The following CCT5 variants were observed in gnomAD, a reference collection of about 807,000 sequenced individuals.
CCT5 encodes chaperonin containing TCP1 subunit 5, also known as T-complex protein 1 subunit epsilon.
A neutral mutation model predicts 55.0 loss-of-function variants in CCT5; 6 were observed. That is an observed-to-expected ratio of 0.11 (90% CI 0.06 to 0.22). CCT5 has a LOEUF of 0.22. Ranked by LOEUF, CCT5 falls within the 10% of genes least tolerant of loss-of-function variation. CCT5 has a pLI of 1.00. For synonymous variants in CCT5, 231 were observed against 243.7 expected (o/e 0.95, Z 0.49); for missense variants, 560 against 694.6 (o/e 0.81, Z 2.18).
In CCT5 at chr5:10,261,572, G is replaced by A. The variant is rs768768696; in HGVS notation, c.1006G>A (p.Ala336Thr). 15 of 1,614,050 alleles carry A rather than the reference G, an allele frequency of 9.3e-6. No homozygotes were observed. The highest frequency in any genetic ancestry group is 1.3e-5 in the Non-Finnish European group (15 of 1,179,974). Residue 336 changes from alanine to threonine, a missense_variant, in exon 8 of 11, where the codon GCA becomes ACA. Physicochemically the swap from Ala to Thr is moderately conservative, Grantham distance 58. Coordinates refer to ENST00000280326, the MANE Select transcript of CCT5 (RefSeq NM_012073.5). ...GGPEIELIAIATGGRIVPRFS... is the reference protein window; with the variant it reads ...GGPEIELIAITTGGRIVPRFS... Reference sequence around the variant, plus strand: ...CCACCCCAATTAGCTGATTGCCATCGCAACAGGAGGGCGGATCGTCCCCAG... The same window carrying A: ...CCACCCCAATTAGCTGATTGCCATCACAACAGGAGGGCGGATCGTCCCCAG...
In CCT5 at chr5:10,254,997, CTGACAG is replaced by C. The variant is rs1745602523; in HGVS notation, c.331+162_331+167del. 3 of 662,784 alleles carry C rather than the reference CTGACAG, an allele frequency of 4.5e-6. No individual in the cohort carries two copies. In the South Asian group the frequency reaches 5.0e-5, roughly 11 times the overall value. 41.1% of individuals were successfully genotyped at this position (662,784 alleles called of 1,614,324 possible). A position where few individuals can be genotyped will look rare whatever the true frequency, so the allele number is the denominator to read the frequency against. On this transcript the variant is annotated intron_variant, in intron 3 of 10. Coordinates refer to ENST00000280326, the MANE Select transcript of CCT5 (RefSeq NM_012073.5). ...CAAAACAAATGTCGGACTTTCAAAA[CTGACAG>C]TGTTACAAAAGAACAGAAAGAGGGC...
intron 4 of CCT5, among the ~76,000 whole-genome samples, chr5:10,256,567 G>A (rs928181647): frequency 6.6e-6 from 1 of 151,980 alleles, no homozygotes; most frequent in East Asian, 1.9e-4. Flanking sequence ...CAAAAAACTA[G>A]CCAGGCATGG....
intron 8 of CCT5, chr5:10,262,229 C>T (rs1746001551): frequency 4.0e-6 from 2 of 501,120 alleles, no homozygotes; most frequent in Non-Finnish European, 7.2e-6. Context: ...TGTGATAAAT[C>T]TTTGCGAGTT....
intron 3 of CCT5, chr5:10,255,161 T>C (rs1049882166): frequency 1.3e-5 from 5 of 373,494 alleles, no homozygotes; most frequent in African/African-American, 1.0e-4. Flanking sequence ...ATGCTGAGTT[T>C]CCTGAGTGAT....
intron 1 of CCT5, 92 bp downstream of exon 1, chr5:10,250,537 A>T (rs766108119): frequency 1.9e-6 from 3 of 1,561,822 alleles, no homozygotes; most frequent in South Asian, 1.2e-5. Flanking sequence ...CGGCTCTGCC[A>T]TGTGCTCCCC....
chr5:10,261,902 T>C (rs1412945407), intron 8 of CCT5, 157 bp downstream of exon 8: 1 of 718,048 alleles, frequency 1.4e-6, no homozygotes, highest in East Asian at 2.8e-5. Context: ...CTGAAGACCA[T>C]GTTAAATTGT....
rs201810364 is a variant in CCT5, at chr5:10,262,494, C to T, written c.1193C>T (p.Ala398Val). Residue 398 changes from alanine to valine, a missense_variant, in exon 9 of 11, where the codon GCG becomes GTG. Around this residue, in one of 4 missense-constraint regions of CCT5, gnomAD observed 256 missense variants for 372.4 expected, o/e 0.69. Coordinates refer to ENST00000280326, the MANE Select transcript of CCT5 (RefSeq NM_012073.5). ...TGTTTTCCTTAGATCATTGAGGAGG[C>T]GAAACGATCCCTTCACGATGCTTTG... ...RGGNKMIIEE[A>V]KRSLHDALCV... is the part of the protein sequence containing the mutation. The T allele has an allele frequency of 3.1e-6, 5 of 1,614,054 alleles. No individual in the cohort carries two copies. The highest frequency in any genetic ancestry group is 1.1e-5 in the South Asian group (1 of 91,068).
At position 10,258,153 on chromosome 5, in the gene CCT5, T is replaced by C; in HGVS notation, c.573T>C (p.Asn191=). ...GACAGATGGCTGAGATTGCTGTGAA[T>C]GCCGTCCTCACTGTAGCAGATATGG... ...CHRQMAEIAV[N]AVLTVADMER... is the part of the protein sequence containing the mutation. Residue 191 remains asparagine (N), a synonymous_variant, in exon 5 of 11, where the codon AAT becomes AAC. Coordinates refer to ENST00000280326, the MANE Select transcript of CCT5 (RefSeq NM_012073.5). 1 of 1,614,256 alleles carries C rather than the reference T, an allele frequency of 6.2e-7. No individual in the cohort carries two copies.
chr5:10,255,291 C>G (rs1362806649), intron 3 of CCT5, among the ~76,000 whole-genome samples: 1 of 151,982 alleles, frequency 6.6e-6, no homozygotes, highest in East Asian at 1.9e-4. Context: ...TGAACAGAAA[C>G]AGTATGTACA....
At chr5:10,250,159 C>T (rs1007666663), upstream of CCT5, 1 of 1,536,724 alleles carries the variant, frequency 6.5e-7, no homozygotes, top group Non-Finnish European at 8.7e-7. Flanking sequence ...TAGAAGTTCC[C>T]GAAGGCCGCC....
chr5:10,260,991 T>A, intron 7 of CCT5, 80 bp downstream of exon 7: 1 of 1,422,646 alleles, frequency 7.0e-7, no homozygotes. Flanking sequence ...AGCCCTGCCT[T>A]AAATAACTGC....
rs1035968861 is a variant in CCT5 at position 10,250,656 on chromosome 5, C to T, written c.105+211C>T. The T allele has an allele frequency of 3.5e-6, 5 of 1,414,486 alleles. No individual in the cohort carries two copies. The African/African-American group carries it at 7.2e-5, about 20-fold the overall frequency. 87.6% of individuals were successfully genotyped at this position (1,414,486 alleles called of 1,614,324 possible). A position where few individuals can be genotyped will look rare whatever the true frequency, so the allele number is the denominator to read the frequency against. On this transcript the variant is annotated intron_variant, in intron 1 of 10. Transcript: ENST00000280326. ...CTGGGCTCGGAATGTGGGGGCCAGC[C>T]AGGCTGGGCCGCCAGCGCCCTTCGG...
At position 10,254,406 on chromosome 5, in the gene CCT5, T is replaced by TTTTG. The variant is rs888091635; in HGVS notation, c.166+204_166+205insGTTT. ...TTAGGTCGGACCTTTTTTTTTTTTT[T>TTTTG]TTTAGCATGTAACATCATTTCATTA... On this transcript the variant is annotated intron_variant, in intron 2 of 10. Transcript: ENST00000280326. The TTTTG allele has an allele frequency of 2.9e-4, 174 of 608,356 alleles. No individual in the cohort carries two copies. In the East Asian group the frequency reaches 4.7e-3, roughly 16 times the overall value. 37.7% of individuals were successfully genotyped at this position (608,356 alleles called of 1,614,324 possible). A position where few individuals can be genotyped will look rare whatever the true frequency, so the allele number is the denominator to read the frequency against.
rs1046422887 is a variant in CCT5 at position 10,253,185 on chromosome 5, C to T, written c.106-960C>T. Among the ~76,000 whole-genome samples, 12 of 152,184 alleles carry T rather than the reference C, an allele frequency of 7.9e-5. No individual in the cohort carries two copies. The South Asian group carries it at 1.5e-3, about 18-fold the overall frequency. On this transcript the variant is annotated intron_variant, in intron 1 of 10. Transcript: ENST00000280326. ...TACTGAAAATACAAAAAAAAATGAG[C>T]AGGGCGTCATGGCGCGTGCCTGTAA...
At chr5:10,255,926 G>T in intron 3 of CCT5, 29 bp from the exon 4 acceptor site, 1 of 1,606,658 alleles carries the variant, frequency 6.2e-7, no homozygotes, top group South Asian at 1.1e-5. Context: ...TTGTTTGCCT[G>T]AACTGATTGT....
rs988661274 is a variant in CCT5 at position 10,265,143 on chromosome 5, A to G, written c.*360A>G. 3 of 247,642 alleles carry G rather than the reference A, an allele frequency of 1.2e-5. No homozygotes were observed. The highest frequency in any genetic ancestry group is 9.6e-5 in the South Asian group (2 of 20,746). 15.3% of individuals were successfully genotyped at this position (247,642 alleles called of 1,614,324 possible). A position where few individuals can be genotyped will look rare whatever the true frequency, so the allele number is the denominator to read the frequency against. On this transcript the variant is annotated 3_prime_UTR_variant, in exon 11 of 11. Transcript: ENST00000280326. ...TAGGGACTATTTTAACAGCTTAAAC[A>G]GGAGCTCTCAAGATGCACTTTCATA...
Position 10,254,714 on chromosome 5 carries a change from T to C in CCT5, c.207T>C (p.Thr69=), listed in dbSNP as rs1579447878. 1 of 1,613,736 alleles carries C rather than the reference T, an allele frequency of 6.2e-7. No individual in the cohort carries two copies. Among genetic ancestry groups the C allele is most frequent in the South Asian group, 1.1e-5 (1 of 91,070 alleles). ...KMMVDKDGDV[T]VTNDGATILS... ...TGGTGGATAAGGATGGAGATGTGAC[T>C]GTAACTAATGATGGGGCCACCATCT... Residue 69 remains threonine (T), a synonymous_variant, in exon 3 of 11, where the codon ACT becomes ACC. Coordinates refer to ENST00000280326, the MANE Select transcript of CCT5 (RefSeq NM_012073.5).
At chr5:10,264,549 G>C in intron 10 of CCT5, 107 bp from the exon 11 acceptor site, 1 of 808,694 alleles carries the variant, frequency 1.2e-6, no homozygotes, top group Non-Finnish European at 2.2e-6. Context: ...GCTTCCAGGA[G>C]TTTGTATTTC....
Position 10,264,944 on chromosome 5 carries a change from C to A in CCT5, c.*161C>A. 4 of 902,876 alleles carry A rather than the reference C, an allele frequency of 4.4e-6. No individual in the cohort carries two copies. Among genetic ancestry groups the A allele is most frequent in the Non-Finnish European group, 6.8e-6 (4 of 591,570 alleles). The allele number at this position is 902,876 out of a possible 1,614,324, so 55.9% of individuals were successfully genotyped here. A position where few individuals can be genotyped will look rare whatever the true frequency, so the allele number is the denominator to read the frequency against. Reference sequence around the variant, plus strand: ...TAACCATAGTTTCACTTGTTCAAAGCTGTGTAATCGTGGGGGTACCATCTC... The same window carrying A: ...TAACCATAGTTTCACTTGTTCAAAGATGTGTAATCGTGGGGGTACCATCTC... On this transcript the variant is annotated 3_prime_UTR_variant, in exon 11 of 11. Coordinates refer to ENST00000280326, the MANE Select transcript of CCT5 (RefSeq NM_012073.5).
Sources: gnomAD v4.1 joint callset for allele counts (sites outside exome capture counted in the v4.1 genomes callset) on GRCh38, gnomAD v4.1.1 for gene constraint, gnomAD v4.1.1 regional missense constraint, MANE v1.5 for transcripts, NCBI Gene and HGNC (gene_info 2026-07-23, HGNC 2026-07-21) for gene names.